Variants in IDO2 observed in about 807,000 individuals in gnomAD.
IDO2 encodes the protein indoleamine 2,3-dioxygenase 2.
IDO2 carries 46 observed loss-of-function variants against 45.1 expected under a neutral mutation model. The ratio of observed to expected loss-of-function variants is 1.02; its 90% CI spans 0.80 to 1.30. IDO2 has a LOEUF of 1.30. Among genes scored for constraint, IDO2 ranks in the 50% most tolerant of loss-of-function variants. The pLI is 0.00. For missense variants in IDO2, 544 were observed against 491.8 expected (o/e 1.11, Z -1.00); for synonymous variants, 218 against 184.9 (o/e 1.18, Z -1.45).
chr8:40,005,222 A>G (rs1185792101), intron 8 of IDO2, 105 bp from the exon 9 acceptor site: 2 of 613,480 alleles, frequency 3.3e-6, no homozygotes, highest in Admixed American at 5.9e-5. Flanking sequence ...GTCTCCATGC[A>G]TATCAGATAG....
intron 1 of IDO2, among the ~76,000 whole-genome samples, chr8:39,938,113 G>A (rs901702438): frequency 6.6e-6 from 1 of 152,188 alleles, no homozygotes; most frequent in African/African-American, 2.4e-5. Flanking sequence ...ACAAGAAACA[G>A]ATATTAGAAT....
chr8:39,957,161 G>A (rs143383987), intron 2 of IDO2, among the ~76,000 whole-genome samples: 56 of 151,896 alleles, frequency 3.7e-4, no homozygotes, highest in African/African-American at 1.3e-3. Context: ...CACTATCATG[G>A]AAATATATTT....
chr8:39,946,297 A>G (rs1807728451), intron 1 of IDO2, among the ~76,000 whole-genome samples: 2 of 152,298 alleles, frequency 1.3e-5, no homozygotes, highest in East Asian at 1.9e-4. Flanking sequence ...GGCCTCCCTC[A>G]GGCCACCAAG....
intron 1 of IDO2, among the ~76,000 whole-genome samples, chr8:39,939,106 G>T (rs1323370648): frequency 1.3e-5 from 2 of 152,010 alleles, no homozygotes; most frequent in African/African-American, 4.8e-5. Context: ...ACAAAAATTA[G>T]CCCGGTGTGG....
At chr8:40,010,012 C>T (rs1262884943) in intron 9 of IDO2, among the ~76,000 whole-genome samples, 1 of 149,432 alleles carries the variant, frequency 6.7e-6, no homozygotes, top group Non-Finnish European at 1.5e-5. Context: ...AACTTGGCCC[C>T]TCTGGAGCTT....
rs141944571 is a variant in IDO2 at position 39,947,694 on chromosome 8, C to T, written c.-17-1455C>T. 3.0e-4 allele frequency among the ~76,000 whole-genome samples: 45 copies of T among 152,018 alleles called. 1 individual carries two copies. The East Asian group carries it at 8.7e-3, about 29-fold the overall frequency. ...GACCCTGTCTCCTTTGTTTGGTGTA[C>T]TCTAGTGGCAAAACTGCTGGCAAGT... On this transcript the variant is annotated intron_variant, in intron 1 of 10. Transcript: ENST00000502986.
At chr8:39,964,653 G>A (rs62513780) in intron 3 of IDO2, among the ~76,000 whole-genome samples, 26,591 of 152,240 alleles carry the variant, frequency 0.17, 2,892 homozygotes, top group South Asian at 0.32. Flanking sequence ...TAAAAGATGA[G>A]TAAGGGACTG....
chr8:39,947,252 T>G (rs918829585), intron 1 of IDO2, among the ~76,000 whole-genome samples: 1 of 151,564 alleles, frequency 6.6e-6, no homozygotes, highest in Non-Finnish European at 1.5e-5. Flanking sequence ...AAGTAGATAT[T>G]CCTCTTCAAA....
At chr8:40,016,091 G>A (rs974121654) in exon 11 of IDO2, 189 of 391,886 alleles carry the variant, frequency 4.8e-4, no homozygotes, top group Middle Eastern at 3.2e-3. Flanking sequence ...GGTGGCAGGA[G>A]GTTGGAAATG....
At chr8:39,980,776 T>C (rs1266877725) in intron 4 of IDO2, among the ~76,000 whole-genome samples, 1 of 152,064 alleles carries the variant, frequency 6.6e-6, no homozygotes, top group Non-Finnish European at 1.5e-5. Flanking sequence ...TGATACAGAG[T>C]TTCACTCTTG....
chr8:39,938,229 G>T (rs376362301), intron 1 of IDO2, among the ~76,000 whole-genome samples: 2 of 152,130 alleles, frequency 1.3e-5, no homozygotes, highest in South Asian at 2.1e-4. Flanking sequence ...AATCACTTAA[G>T]CCCAAGAGTT....
At chr8:40,016,222 C>G (rs1802386277) in exon 11 of IDO2, 2 of 398,000 alleles carry the variant, frequency 5.0e-6, no homozygotes, top group African/African-American at 4.1e-5. Context: ...CCTAGATTTG[C>G]AAATTCTATT....
rs551940082 is a variant in IDO2, at chr8:40,001,897, T to C, written c.668-3430T>C. On this transcript the variant is annotated intron_variant, in intron 8 of 10. Coordinates refer to ENST00000502986, the Ensembl canonical transcript of IDO2. Reference sequence around the variant, plus strand: ...TGCCTCCTGGGTTCAGCAATTCTCCTGCCTCAGCCTCCCAAGTAGCTGTGA... The same window carrying C: ...TGCCTCCTGGGTTCAGCAATTCTCCCGCCTCAGCCTCCCAAGTAGCTGTGA... Among the ~76,000 whole-genome samples, 409 of 152,086 alleles carry C rather than the reference T, an allele frequency of 2.7e-3. 4 individuals are homozygous for C. Among genetic ancestry groups the C allele is most frequent in the Non-Finnish European group, 1.6e-3 (106 of 67,988 alleles).
intron 1 of IDO2, among the ~76,000 whole-genome samples, chr8:39,947,142 G>A (rs1038602028): frequency 7.9e-6 from 1 of 126,940 alleles, no homozygotes; most frequent in Non-Finnish European, 1.6e-5. Flanking sequence ...ACCAACAGGG[G>A]CAAAACTCTA....
At chr8:40,011,247 A>G (rs1802306566) in intron 9 of IDO2, among the ~76,000 whole-genome samples, 2 of 152,186 alleles carry the variant, frequency 1.3e-5, no homozygotes, top group Non-Finnish European at 2.9e-5. Flanking sequence ...GAGGCTAGAG[A>G]AGACCATTTG....
At chr8:39,954,220 A>C (rs1807855807) in intron 2 of IDO2, among the ~76,000 whole-genome samples, 1 of 152,154 alleles carries the variant, frequency 6.6e-6, no homozygotes, top group Admixed American at 6.5e-5. Context: ...TTAAGTCCTC[A>C]GTGATTCTAT....
intron 1 of IDO2, among the ~76,000 whole-genome samples, chr8:39,935,593 G>A (rs918695802): frequency 2.6e-5 from 4 of 152,006 alleles, no homozygotes; most frequent in African/African-American, 9.7e-5. Context: ...GGGATTACAG[G>A]CGCTCACCAC....
intron 8 of IDO2, among the ~76,000 whole-genome samples, chr8:40,004,101 T>C (rs1034629507): frequency 1.3e-5 from 2 of 152,160 alleles, no homozygotes; most frequent in Admixed American, 6.6e-5. Context: ...AGTAGTAGTG[T>C]CTTAGCAGTA....
chr8:39,997,211 T>C (rs1206289854), intron 8 of IDO2, among the ~76,000 whole-genome samples: 1 of 152,198 alleles, frequency 6.6e-6, no homozygotes, highest in Non-Finnish European at 1.5e-5. Context: ...TTAACCCAGC[T>C]GCTTCCTGAA....
Sources: gnomAD v4.1 joint callset for allele counts (sites outside exome capture counted in the v4.1 genomes callset) on GRCh38, gnomAD v4.1.1 for gene constraint, MANE v1.5 for transcripts, NCBI Gene and HGNC (gene_info 2026-07-23, HGNC 2026-07-21) for gene names.